L3MBTL4: variants seen among roughly 807,000 people sequenced by gnomAD.
L3MBTL4 encodes L3MBTL histone methyl-lysine binding protein 4, also known as lethal(3)malignant brain tumor-like protein 4.
Under a neutral mutation model 84.5 loss-of-function variants are expected in L3MBTL4, and 70 were observed. The observed-to-expected ratio is 0.83, with a 90% CI of 0.68 to 1.01. The LOEUF (loss-of-function observed/expected upper bound fraction) is 1.01, where lower values mean the gene tolerates loss of function less well. Ranked by LOEUF, L3MBTL4 falls within the 50% of genes least tolerant of loss-of-function variation. The pLI is 0.00. For missense variants in L3MBTL4, 715 were observed against 754.8 expected (o/e 0.95, Z 0.62); for synonymous variants, 274 against 259.8 (o/e 1.05, Z -0.52).
In L3MBTL4 at chr18:6,203,653, C is replaced by A. The variant is rs188306774; in HGVS notation, c.981+9496G>T. On this transcript the variant is annotated intron_variant, in intron 12 of 18. Coordinates refer to ENST00000317931, the MANE Select transcript of L3MBTL4 (RefSeq NM_001330559.2). ...GGAAAAGAACAGCCAGTCCCTCCTG[C>A]CCTAGGAGCAAACAGGTATTCCTTG... 1.7e-3 allele frequency among the ~76,000 whole-genome samples: 264 copies of A among 152,262 alleles called. 1 individual carries two copies. The highest frequency in any genetic ancestry group is 6.8e-3 in the Middle Eastern group (2 of 294).
At position 6,189,631 on chromosome 18, in the gene L3MBTL4, AT is replaced by A. The variant is rs367698432; in HGVS notation, c.982-17690del. On this transcript the variant is annotated intron_variant, in intron 12 of 18. Transcript: ENST00000317931. ...GAACATTAATTACTATAAATGTAAA[AT>A]TTTTTTAAGTAAAGAAAATGGATAT... 2.4e-3 allele frequency among the ~76,000 whole-genome samples: 359 copies of A among 152,280 alleles called. 1 individual carries two copies. Among genetic ancestry groups the A allele is most frequent in the African/African-American group, 8.1e-3 (338 of 41,518 alleles).
In L3MBTL4 at chr18:6,414,090, G is replaced by T. The variant is rs1164210883; in HGVS notation, c.-91+711C>A. On this transcript the variant is annotated intron_variant, in intron 1 of 18. Coordinates refer to ENST00000317931, the MANE Select transcript of L3MBTL4 (RefSeq NM_001330559.2). The surrounding 1 kb of genome is among the most constrained non-coding windows in gnomAD (Gnocchi z 5.4). ...GCCCAAGAAGGCCCGGAGAGCAGGC[G>T]AGGGCGACTGTGGCCGGCGCGCCCC... 2 of 152,390 alleles carry T rather than the reference G, an allele frequency of 1.3e-5. No individual in the cohort carries two copies. The highest frequency in any genetic ancestry group is 1.3e-4 in the Admixed American group (2 of 15,308). The allele number at this position is 152,390 out of a possible 1,614,324, so 9.4% of individuals were successfully genotyped here. A position where few individuals can be genotyped will look rare whatever the true frequency, so the allele number is the denominator to read the frequency against.
chr18:6,136,727 G>T (rs1275923108), intron 14 of L3MBTL4, among the ~76,000 whole-genome samples: 2 of 152,194 alleles, frequency 1.3e-5, no homozygotes, highest in Non-Finnish European at 2.9e-5. Flanking sequence ...TTGAGGCCCT[G>T]TGCTTGGGTG....
chr18:5,959,696 T>A (rs10502342), intron 18 of L3MBTL4, among the ~76,000 whole-genome samples: 56,137 of 151,944 alleles, frequency 0.37, 10,660 homozygotes, highest in East Asian at 0.49. Context: ...TTCCCGCAAA[T>A]GGCTTCAAGC....
intron 14 of L3MBTL4, among the ~76,000 whole-genome samples, chr18:6,113,747 C>A (rs2059269251): frequency 6.6e-6 from 1 of 152,216 alleles, no homozygotes; most frequent in Non-Finnish European, 1.5e-5. Flanking sequence ...TAATAATGAA[C>A]AACTCAAAGA....
At chr18:6,290,402 G>A (rs977195142) in intron 4 of L3MBTL4, among the ~76,000 whole-genome samples, 1 of 151,732 alleles carries the variant, frequency 6.6e-6, no homozygotes, top group Non-Finnish European at 1.5e-5. Flanking sequence ...CAAAAACTAA[G>A]CTTTAAAAGA....
intron 14 of L3MBTL4, among the ~76,000 whole-genome samples, chr18:6,105,183 A>AT (rs869169400): frequency 0.038 from 3,834 of 100,390 alleles, 30 homozygotes; most frequent in East Asian, 0.06. Flanking sequence ...AACACCACCA[A>AT]TTTTTTTTTT....
intron 16 of L3MBTL4, among the ~76,000 whole-genome samples, chr18:6,021,694 C>G (rs2055273914): frequency 1.3e-5 from 2 of 152,098 alleles, no homozygotes; most frequent in South Asian, 4.1e-4. Flanking sequence ...TCAATATAGA[C>G]AAACGGAGGT....
chr18:5,985,788 G>C (rs2053437911), intron 16 of L3MBTL4, among the ~76,000 whole-genome samples: 1 of 152,140 alleles, frequency 6.6e-6, no homozygotes, highest in Non-Finnish European at 1.5e-5. Context: ...CGAGACTAGG[G>C]AAAGACAGCT....
intron 14 of L3MBTL4, among the ~76,000 whole-genome samples, chr18:6,128,039 G>GA (rs1233594139): frequency 3.1e-5 from 4 of 128,972 alleles, no homozygotes; most frequent in African/African-American, 1.3e-4. Context: ...TGGGTGGGGC[G>GA]GGGGAAGAGT....
At chr18:6,400,955 G>A (rs1354256495) in intron 1 of L3MBTL4, among the ~76,000 whole-genome samples, 1 of 152,166 alleles carries the variant, frequency 6.6e-6, no homozygotes, top group African/African-American at 2.4e-5. Context: ...TGTCGAAGCT[G>A]AGACTCACAA....
intron 1 of L3MBTL4, chr18:6,397,333 C>T (rs1184503059): frequency 6.6e-6 from 1 of 152,158 alleles, no homozygotes; most frequent in Non-Finnish European, 1.5e-5. Flanking sequence ...CTGAGTATAA[C>T]AATCTGAGAA....
chr18:6,364,981 CA>C (rs1212243254), intron 1 of L3MBTL4, among the ~76,000 whole-genome samples: 4 of 151,130 alleles, frequency 2.6e-5, no homozygotes, highest in Admixed American at 6.6e-5. Context: ...TATATTATAG[CA>C]AAAAAAATCA....
intron 4 of L3MBTL4, among the ~76,000 whole-genome samples, chr18:6,294,648 AG>A (rs2050010262): frequency 6.6e-6 from 1 of 152,140 alleles, no homozygotes; most frequent in African/African-American, 2.4e-5. Context: ...CAGGGCTTGA[AG>A]GCTTCCCAAA....
At chr18:6,014,926 G>C (rs534908512) in intron 16 of L3MBTL4, among the ~76,000 whole-genome samples, 1 of 152,158 alleles carries the variant, frequency 6.6e-6, no homozygotes, top group Non-Finnish European at 1.5e-5. Context: ...AATCAAGTGA[G>C]AAATCCTGGT....
rs112515103 is a variant in L3MBTL4, at chr18:6,140,358, C to A, written c.1097-2062G>T. Among the ~76,000 whole-genome samples the A allele has an allele frequency of 1.5e-3, 230 of 152,306 alleles. 1 individual carries two copies. Among genetic ancestry groups the A allele is most frequent in the African/African-American group, 5.4e-3 (224 of 41,572 alleles). On this transcript the variant is annotated intron_variant, in intron 13 of 18. Transcript: ENST00000317931. The stretch of plus-strand genomic sequence containing the variant: ...ACTTTTCAATCATGTCTGGCTGTGG[C>A]GCGAAGGTGGGAAAGAGCCAACCAT...
intron 12 of L3MBTL4, among the ~76,000 whole-genome samples, chr18:6,177,611 C>T (rs1360031409): frequency 6.6e-6 from 1 of 152,214 alleles, no homozygotes; most frequent in Admixed American, 6.5e-5. Flanking sequence ...TTGCAAATTA[C>T]ATCTCAATAT....
rs149037526 is a variant in L3MBTL4 at position 5,976,000 on chromosome 18, G to A, written c.1445-6438C>T. ...CTCTTAACCAATTTTATATAAATAT[G>A]GGAGATGAAGCACACAAGAGTCAGA... On this transcript the variant is annotated intron_variant, in intron 16 of 18. Coordinates refer to ENST00000317931, the MANE Select transcript of L3MBTL4 (RefSeq NM_001330559.2). Among the ~76,000 whole-genome samples, 265 of 152,314 alleles carry A rather than the reference G, an allele frequency of 1.7e-3. 1 individual carries two copies. The highest frequency in any genetic ancestry group is 6.2e-3 in the African/African-American group (259 of 41,570).
chr18:6,380,787 T>C (rs535969580), intron 1 of L3MBTL4, among the ~76,000 whole-genome samples: 77 of 152,344 alleles, frequency 5.1e-4, no homozygotes, highest in African/African-American at 1.8e-3. Flanking sequence ...GAATAATGTA[T>C]ATTCTGTTGA....
Sources: gnomAD v4.1 joint callset for allele counts (sites outside exome capture counted in the v4.1 genomes callset) on GRCh38, gnomAD v4.1.1 for gene constraint, Gnocchi (gnomAD v3.1) non-coding constraint, MANE v1.5 for transcripts, NCBI Gene and HGNC (gene_info 2026-07-23, HGNC 2026-07-21) for gene names.